The following RABGAP1L variants were observed in gnomAD, a reference collection of about 807,000 sequenced individuals.
RABGAP1L encodes rab GTPase-activating protein 1-like.
In RABGAP1L, 63 loss-of-function variants were observed where a neutral mutation model predicts 137.7. The ratio of observed to expected loss-of-function variants is 0.46; its 90% CI spans 0.37 to 0.56. The LOEUF is 0.56. Among genes scored for constraint, RABGAP1L ranks in the 20% least tolerant of loss-of-function variants. The pLI, the probability that RABGAP1L is intolerant of heterozygous loss-of-function variation, is 0.00. For synonymous variants in RABGAP1L, 431 were observed against 433.7 expected, an observed-to-expected ratio of 0.99 and a Z score of 0.08; for missense variants, 1,095 against 1,244.0, an observed-to-expected ratio of 0.88 and a Z score of 1.80.
At chr1:174,280,725 T>G (rs575593351) in intron 10 of RABGAP1L, among the ~76,000 whole-genome samples, 4 of 152,200 alleles carry the variant, frequency 2.6e-5, no homozygotes, top group Admixed American at 6.5e-5. Context: ...GAAACTAGAG[T>G]CTGGGAAAGT....
At chr1:174,246,374 GTGT>G (rs930278278) in intron 5 of RABGAP1L, 2 of 152,162 alleles carry the variant, frequency 1.3e-5, no homozygotes, top group African/African-American at 4.8e-5. Flanking sequence ...TTGTGTGTAT[GTGT>G]TTTAATAAGT....
chr1:174,948,429 C>T (rs1224987802), intron 19 of RABGAP1L, among the ~76,000 whole-genome samples: 4 of 142,878 alleles, frequency 2.8e-5, no homozygotes, highest in East Asian at 4.1e-4. Flanking sequence ...AGAGGTGGGA[C>T]TATCACTTGA....
intron 19 of RABGAP1L, among the ~76,000 whole-genome samples, chr1:174,944,018 C>T (rs1666324733): frequency 6.6e-6 from 1 of 152,044 alleles, no homozygotes. Context: ...CGCCTATAAT[C>T]CCAGCACTAT....
intron 13 of RABGAP1L, among the ~76,000 whole-genome samples, chr1:174,516,236 G>A (rs1488291501): frequency 6.6e-6 from 1 of 151,246 alleles, no homozygotes; most frequent in East Asian, 2.0e-4. Flanking sequence ...GCTCACTGCG[G>A]CCTCGACCTC....
At chr1:174,609,000 A>C (rs1670988287) in intron 13 of RABGAP1L, among the ~76,000 whole-genome samples, 1 of 152,176 alleles carries the variant, frequency 6.6e-6, no homozygotes, top group Non-Finnish European at 1.5e-5. Context: ...CTTAACACTT[A>C]TACCGAATTA....
intron 17 of RABGAP1L, among the ~76,000 whole-genome samples, chr1:174,728,278 T>C (rs1682160374): frequency 6.6e-6 from 1 of 152,188 alleles, no homozygotes; most frequent in Admixed American, 6.5e-5. Flanking sequence ...CAGTAACGTT[T>C]CAGGTTACAA....
intron 13 of RABGAP1L, among the ~76,000 whole-genome samples, chr1:174,442,356 T>G (rs1251717779): frequency 1.3e-5 from 2 of 152,150 alleles, no homozygotes; most frequent in African/African-American, 4.8e-5. Context: ...ATATTGCCTT[T>G]TCATCCTTAA....
chr1:174,622,561 G>T (rs181097628), intron 13 of RABGAP1L, among the ~76,000 whole-genome samples: 133 of 152,294 alleles, frequency 8.7e-4, no homozygotes, highest in Non-Finnish European at 1.6e-3. Flanking sequence ...GTAGGGACAT[G>T]GATGAAGTTG....
At chr1:174,973,830 G>A (rs1670381565) in intron 21 of RABGAP1L, among the ~76,000 whole-genome samples, 1 of 152,176 alleles carries the variant, frequency 6.6e-6, no homozygotes, top group South Asian at 2.1e-4. Context: ...ATTGCTGTGG[G>A]TCCTGTAAGA....
intron 7 of RABGAP1L, among the ~76,000 whole-genome samples, chr1:174,258,295 T>C (rs55698100): frequency 0.23 from 34,830 of 152,182 alleles, 4,450 homozygotes; most frequent in Non-Finnish European, 0.27. Flanking sequence ...CCTCTGAATC[T>C]TTTTTGTTAG....
In RABGAP1L at chr1:174,937,469, A is replaced by G. The variant is rs191652177; in HGVS notation, c.2341-19988A>G. Among the ~76,000 whole-genome samples the G allele has an allele frequency of 1.0e-2, 1,460 of 146,354 alleles. 17 individuals are homozygous for G. The highest frequency in any genetic ancestry group is 0.015 in the Non-Finnish European group (1,026 of 67,038). ...CCCGCTGATTTTTTTCATTTTTAGT[A>G]GAGATGGGGTTTCACCATGTTGGCC... On this transcript the variant is annotated intron_variant, in intron 19 of 25. Coordinates refer to ENST00000681986, the MANE Select transcript of RABGAP1L (RefSeq NM_001366446.1).
intron 14 of RABGAP1L, among the ~76,000 whole-genome samples, chr1:174,659,088 T>C (rs973367025): frequency 1.2e-4 from 18 of 152,180 alleles, no homozygotes; most frequent in East Asian, 1.9e-4. Flanking sequence ...AAGAAAGACA[T>C]AGTAATTTTC....
chr1:174,880,221 A>AAC (rs1348090415), intron 19 of RABGAP1L, among the ~76,000 whole-genome samples: 1 of 152,190 alleles, frequency 6.6e-6, no homozygotes, highest in Non-Finnish European at 1.5e-5. Flanking sequence ...CCCCCTAGTT[A>AAC]ACTACAATAT....
chr1:174,391,703 TAG>T (rs535133224), intron 12 of RABGAP1L, among the ~76,000 whole-genome samples: 105 of 152,314 alleles, frequency 6.9e-4, no homozygotes, highest in African/African-American at 2.4e-3. Context: ...TTAATAGCTG[TAG>T]AGACACAGTG....
At chr1:174,192,946 C>T (rs1317596761) in intron 1 of RABGAP1L, among the ~76,000 whole-genome samples, 1 of 152,114 alleles carries the variant, frequency 6.6e-6, no homozygotes, top group African/African-American at 2.4e-5. Context: ...CAGATCTGGA[C>T]TGAATTATGT....
At chr1:174,302,307 A>G (rs1677787447) in intron 10 of RABGAP1L, among the ~76,000 whole-genome samples, 1 of 152,208 alleles carries the variant, frequency 6.6e-6, no homozygotes, top group South Asian at 2.1e-4. Flanking sequence ...ACAAAATGAT[A>G]ACAAGAAATA....
intron 19 of RABGAP1L, among the ~76,000 whole-genome samples, chr1:174,947,524 T>C (rs935090249): frequency 2.0e-5 from 3 of 152,038 alleles, no homozygotes; most frequent in Admixed American, 2.0e-4. Context: ...TTCAAGCGAT[T>C]CTCCTGCCTC....
chr1:174,296,258 C>A (rs1571962238), intron 10 of RABGAP1L, among the ~76,000 whole-genome samples: 2 of 152,310 alleles, frequency 1.3e-5, no homozygotes, highest in South Asian at 4.1e-4. Context: ...AATAGTGGGA[C>A]AGAAGTCAGA....
At chr1:174,714,109 C>G (rs911352679) in intron 17 of RABGAP1L, among the ~76,000 whole-genome samples, 2 of 152,080 alleles carry the variant, frequency 1.3e-5, no homozygotes, top group African/African-American at 4.8e-5. Context: ...CACTGGTCTT[C>G]TTTTAGTTTC....
Sources: allele counts gnomAD v4.1 joint callset (sites outside exome capture counted in the v4.1 genomes callset), GRCh38; gene constraint gnomAD v4.1.1; transcripts MANE v1.5; gene names NCBI Gene and HGNC (gene_info 2026-07-23, HGNC 2026-07-21).